Variants in ANKRD45 observed in about 807,000 individuals in gnomAD.
ANKRD45 encodes the protein ankyrin repeat domain-containing protein 45.
Under a neutral mutation model 28.1 loss-of-function variants are expected in ANKRD45, and 21 were observed. The observed-to-expected ratio is 0.75, with a 90% CI of 0.53 to 1.08. ANKRD45 has a LOEUF of 1.08. ANKRD45 is among the 50% of genes least tolerant of loss of function. The pLI is 0.00. For missense variants in ANKRD45, 261 were observed against 308.7 expected (o/e 0.85, Z 1.16); for synonymous variants, 86 against 103.9 (o/e 0.83, Z 1.05).
chr1:173,611,552 G>T (rs1667149969), intron 5 of ANKRD45, among the ~76,000 whole-genome samples: 1 of 144,766 alleles, frequency 6.9e-6, no homozygotes, highest in Non-Finnish European at 1.5e-5. Context: ...AATTAAATTG[G>T]ACCCCTATGG....
the ANKRD45 span, among the ~76,000 whole-genome samples, chr1:173,687,125 C>G: frequency 6.6e-6 from 1 of 152,148 alleles, no homozygotes; most frequent in Non-Finnish European, 1.5e-5. Context: ...AAAATATATA[C>G]TTTTTAACCT....
the ANKRD45 span, among the ~76,000 whole-genome samples, chr1:173,676,218 A>G: frequency 6.6e-6 from 1 of 152,246 alleles, no homozygotes; most frequent in Non-Finnish European, 1.5e-5. Context: ...GTTAAAAATG[A>G]AGAAAGATTC....
chr1:173,632,647 C>G (rs948662882), intron 3 of ANKRD45, among the ~76,000 whole-genome samples: 23 of 151,902 alleles, frequency 1.5e-4, no homozygotes, highest in African/African-American at 5.5e-4. Flanking sequence ...ATTTAAAAGA[C>G]CATTCATCAT....
the ANKRD45 span, among the ~76,000 whole-genome samples, chr1:173,684,560 T>C: frequency 6.6e-6 from 1 of 152,344 alleles, no homozygotes; most frequent in African/African-American, 2.4e-5. Context: ...GCTATTATTC[T>C]TTTCCATTTA....
intron 5 of ANKRD45, among the ~76,000 whole-genome samples, chr1:173,616,311 C>T (rs1325232574): frequency 6.6e-6 from 1 of 151,790 alleles, no homozygotes; most frequent in African/African-American, 2.4e-5. Flanking sequence ...CATCCTAACC[C>T]AACCTGCCCT....
the ANKRD45 span, among the ~76,000 whole-genome samples, chr1:173,700,647 C>T: frequency 6.6e-6 from 1 of 152,170 alleles, no homozygotes; most frequent in South Asian, 2.1e-4. Flanking sequence ...GGATCCCTTC[C>T]TTACACCTTA....
intron 5 of ANKRD45, among the ~76,000 whole-genome samples, chr1:173,619,748 A>G (rs1667621770): frequency 6.6e-6 from 1 of 152,002 alleles, no homozygotes; most frequent in Non-Finnish European, 1.5e-5. Context: ...GAATCGCTTG[A>G]ACCCAGGAGA....
At chr1:173,675,810 CT>C in the ANKRD45 span, among the ~76,000 whole-genome samples, 2 of 152,106 alleles carry the variant, frequency 1.3e-5, no homozygotes, top group Non-Finnish European at 2.9e-5. Flanking sequence ...TACACTTCAC[CT>C]GATTATTTGT....
chr1:173,679,085 TAGAA>T, the ANKRD45 span, among the ~76,000 whole-genome samples: 83 of 152,270 alleles, frequency 5.5e-4, no homozygotes, highest in African/African-American at 1.7e-3. Context: ...TGCTCATAGA[TAGAA>T]AGAATCAATA....
At chr1:173,647,078 T>C (rs879227380) in intron 2 of ANKRD45, 65 bp from the exon 3 acceptor site, 2 of 1,475,052 alleles carry the variant, frequency 1.4e-6, no homozygotes, top group Non-Finnish European at 1.9e-6. Context: ...ATTTATGTAG[T>C]GGAAGATCAT....
At chr1:173,702,662 ATTGCTGGCAGTCTGCTGGC>A in the ANKRD45 span, among the ~76,000 whole-genome samples, 5 of 144,888 alleles carry the variant, frequency 3.5e-5, no homozygotes, top group East Asian at 4.2e-4. Context: ...ACTGATCTTT[ATTGCTGGCAGTCTGCTGGC>A]TTGCTGGCAG....
the ANKRD45 span, among the ~76,000 whole-genome samples, chr1:173,703,997 G>C: frequency 2.0e-5 from 3 of 152,174 alleles, no homozygotes; most frequent in African/African-American, 7.2e-5. Flanking sequence ...CTCCATTATG[G>C]GTCAAGCATG....
At chr1:173,643,347 T>C (rs908933155) in intron 3 of ANKRD45, among the ~76,000 whole-genome samples, 11 of 152,056 alleles carry the variant, frequency 7.2e-5, no homozygotes, top group South Asian at 2.1e-4. Context: ...CTAATTTTTG[T>C]ATTTTTAGTG....
chr1:173,701,805 A>T, the ANKRD45 span, among the ~76,000 whole-genome samples: 4 of 152,328 alleles, frequency 2.6e-5, no homozygotes, highest in East Asian at 5.8e-4. Context: ...CCTAGAACTT[A>T]GAGTATAATA....
chr1:173,707,459 A>T, the ANKRD45 span, among the ~76,000 whole-genome samples: 1 of 151,844 alleles, frequency 6.6e-6, no homozygotes, highest in African/African-American at 2.4e-5. Flanking sequence ...CAGCCTTCCA[A>T]GTAGCTGGGA....
intron 3 of ANKRD45, chr1:173,636,867 T>C: frequency 6.5e-7 from 1 of 1,535,842 alleles, no homozygotes; most frequent in Non-Finnish European, 8.7e-7. Flanking sequence ...GGTAATGATC[T>C]AGAAAGCCCA....
chr1:173,678,590 A>G, the ANKRD45 span, among the ~76,000 whole-genome samples: 12 of 152,198 alleles, frequency 7.9e-5, no homozygotes, highest in African/African-American at 2.9e-4. Context: ...ATTTATGACA[A>G]ACCTACAGCC....
chr1:173,686,730 C>T, the ANKRD45 span, among the ~76,000 whole-genome samples: 1 of 152,058 alleles, frequency 6.6e-6, no homozygotes, highest in Non-Finnish European at 1.5e-5. Context: ...CCTTTAGCAC[C>T]TATTTTTATT....
intron 1 of ANKRD45, among the ~76,000 whole-genome samples, chr1:173,667,506 A>C (rs1670073571): frequency 6.6e-6 from 1 of 152,136 alleles, no homozygotes; most frequent in Non-Finnish European, 1.5e-5. Flanking sequence ...GTTCAAGACC[A>C]GCCTGGCCAA....
Sources: allele counts gnomAD v4.1 joint callset (sites outside exome capture counted in the v4.1 genomes callset), GRCh38; gene constraint gnomAD v4.1.1; transcripts MANE v1.5; gene names NCBI Gene and HGNC (gene_info 2026-07-23, HGNC 2026-07-21).